TRPM3: variants seen among roughly 807,000 people sequenced by gnomAD.
TRPM3 encodes the protein long transient receptor potential channel 3.
TRPM3 carries 77 observed loss-of-function variants against 181.2 expected under a neutral mutation model. That is an observed-to-expected ratio of 0.42 (90% CI 0.35 to 0.51). The LOEUF is 0.51. Among genes scored for constraint, TRPM3 ranks in the 20% least tolerant of loss-of-function variants. The pLI, the probability that TRPM3 is intolerant of heterozygous loss-of-function variation, is 0.01. For synonymous variants in TRPM3, 745 were observed against 796.4 expected, an observed-to-expected ratio of 0.94 and a Z score of 1.09; for missense variants, 1,759 against 2,196.7, an observed-to-expected ratio of 0.80 and a Z score of 3.98.
chr9:71,052,703 A>G (rs2060195141), intron 1 of TRPM3, among the ~76,000 whole-genome samples: 2 of 152,062 alleles, frequency 1.3e-5, no homozygotes, highest in Non-Finnish European at 2.9e-5. Context: ...GTATCATTCC[A>G]AAACAAACAA....
At chr9:70,991,235 T>G (rs1019452068) in intron 1 of TRPM3, among the ~76,000 whole-genome samples, 3 of 152,226 alleles carry the variant, frequency 2.0e-5, no homozygotes, top group Non-Finnish European at 2.9e-5. Context: ...TTGTCTTTAT[T>G]TTCACTAATT....
At chr9:71,348,894 T>A (rs1190999400) in intron 1 of TRPM3, among the ~76,000 whole-genome samples, 1 of 152,042 alleles carries the variant, frequency 6.6e-6, no homozygotes, top group Admixed American at 6.6e-5. Context: ...TATGACAGAA[T>A]GAGAATGTAA....
chr9:70,571,463 G>A (rs1043873886), intron 22 of TRPM3, among the ~76,000 whole-genome samples: 3 of 152,170 alleles, frequency 2.0e-5, no homozygotes, highest in Non-Finnish European at 2.9e-5. Flanking sequence ...TTTCTGAGCC[G>A]CCTGCCAGGG....
upstream of TRPM3, among the ~76,000 whole-genome samples, chr9:71,125,571 C>T (rs2073980628): frequency 6.6e-6 from 1 of 152,108 alleles, no homozygotes; most frequent in Non-Finnish European, 1.5e-5. Flanking sequence ...GTATATGTAG[C>T]ACATTTTCTT....
intron 8 of TRPM3, chr9:70,761,212 T>C (rs1406941623): frequency 7.0e-6 from 4 of 568,778 alleles, no homozygotes; most frequent in Non-Finnish European, 1.2e-5. Context: ...CCTTTGTCAT[T>C]AAAGCTATTT....
At chr9:70,955,766 C>T (rs114771899) in intron 1 of TRPM3, among the ~76,000 whole-genome samples, 1,536 of 152,218 alleles carry the variant, frequency 0.01, 25 homozygotes, top group African/African-American at 0.035. Flanking sequence ...CCATGAACTC[C>T]AGGTAATTAT....
chr9:70,802,612 A>AT (rs1420625963), intron 6 of TRPM3, among the ~76,000 whole-genome samples: 3 of 152,196 alleles, frequency 2.0e-5, no homozygotes, highest in Non-Finnish European at 4.4e-5. Context: ...GTATAAGCCA[A>AT]TTTTTGATGC....
intron 1 of TRPM3, among the ~76,000 whole-genome samples, chr9:70,923,192 T>C (rs2096675788): frequency 6.6e-6 from 1 of 152,206 alleles, no homozygotes; most frequent in Non-Finnish European, 1.5e-5. Flanking sequence ...CTAAAAAACC[T>C]GAAAGCAAAT....
rs561268453 is a variant in TRPM3, at chr9:71,201,083, A to T, written c.183+245570T>A. Reference sequence around the variant, plus strand: ...GGGCAGGCCTGGTGGTGACAAAATCACTCAGCATTTGCTTGTCTGTAAAGT... The same window carrying T: ...GGGCAGGCCTGGTGGTGACAAAATCTCTCAGCATTTGCTTGTCTGTAAAGT... On this transcript the variant is annotated intron_variant, in intron 1 of 24. Coordinates refer to the TRPM3 transcript ENST00000357533. Among the ~76,000 whole-genome samples, 498 of 151,618 alleles carry T rather than the reference A, an allele frequency of 3.3e-3. 3 individuals are homozygous for T. Among genetic ancestry groups the T allele is most frequent in the African/African-American group, 9.4e-3 (389 of 41,286 alleles).
chr9:71,294,222 CT>C (rs1256708361), intron 1 of TRPM3, among the ~76,000 whole-genome samples: 1 of 151,860 alleles, frequency 6.6e-6, no homozygotes, highest in African/African-American at 2.4e-5. Context: ...AAAATATTTG[CT>C]GTATATATAA....
intron 1 of TRPM3, among the ~76,000 whole-genome samples, chr9:71,272,870 C>T (rs1261675806): frequency 6.7e-6 from 1 of 148,858 alleles, no homozygotes; most frequent in Non-Finnish European, 1.5e-5. Context: ...TGTATGAAAG[C>T]GGTAATTTTT....
chr9:71,418,893 T>C (rs1303904616), intron 1 of TRPM3, among the ~76,000 whole-genome samples: 4 of 105,308 alleles, frequency 3.8e-5, no homozygotes, highest in Non-Finnish European at 6.8e-5. Context: ...TATACACACA[T>C]ATATATGTGT....
chr9:71,158,764 T>C (rs963632088), intron 1 of TRPM3, among the ~76,000 whole-genome samples: 1 of 152,144 alleles, frequency 6.6e-6, no homozygotes, highest in African/African-American at 2.4e-5. Flanking sequence ...CCAAAAGAGA[T>C]TGGCATTTGA....
intron 8 of TRPM3, among the ~76,000 whole-genome samples, chr9:70,747,106 G>C (rs1328030817): frequency 2.0e-5 from 3 of 152,180 alleles, no homozygotes; most frequent in Non-Finnish European, 4.4e-5. Context: ...TTTATTGAGT[G>C]TCTGCTATAT....
At chr9:70,539,171 C>T (rs1157541610) in intron 25 of TRPM3, among the ~76,000 whole-genome samples, 1 of 152,144 alleles carries the variant, frequency 6.6e-6, no homozygotes. Flanking sequence ...TAGGCTGGGC[C>T]CCTGCAGTCT....
chr9:71,310,510 A>C (rs1179976507), intron 1 of TRPM3, among the ~76,000 whole-genome samples: 1 of 152,052 alleles, frequency 6.6e-6, no homozygotes, highest in African/African-American at 2.4e-5. Flanking sequence ...TTTTGGCTGG[A>C]AAGTAGTATC....
At chr9:71,231,255 T>C (rs1421883381) in intron 1 of TRPM3, among the ~76,000 whole-genome samples, 2 of 152,148 alleles carry the variant, frequency 1.3e-5, no homozygotes, top group Non-Finnish European at 1.5e-5. Flanking sequence ...CAATTCAATA[T>C]GAGAGTCTTA....
At chr9:70,974,341 C>T (rs764154000) in intron 1 of TRPM3, among the ~76,000 whole-genome samples, 13,819 of 105,268 alleles carry the variant, frequency 0.13, 25 homozygotes, top group East Asian at 0.17. Context: ...AGATCGAGAC[C>T]AGCCTGGCTA....
intron 1 of TRPM3, among the ~76,000 whole-genome samples, chr9:70,971,168 GTAA>G (rs2097240787): frequency 1.3e-5 from 2 of 152,136 alleles, no homozygotes; most frequent in South Asian, 4.1e-4. Context: ...AATGCCGACT[GTAA>G]AGGATTATGG....
Sources: allele counts gnomAD v4.1 joint callset (sites outside exome capture counted in the v4.1 genomes callset), GRCh38; gene constraint gnomAD v4.1.1; transcripts MANE v1.5; gene names NCBI Gene and HGNC (gene_info 2026-07-23, HGNC 2026-07-21).